Variants in DNAH17 observed in about 807,000 individuals in gnomAD.
DNAH17 encodes dynein axonemal heavy chain 17.
DNAH17 carries 376 observed loss-of-function variants against 485.6 expected under a neutral mutation model. The ratio of observed to expected loss-of-function variants is 0.77; its 90% CI spans 0.71 to 0.84. The LOEUF is 0.84. DNAH17 is among the 40% of genes least tolerant of loss of function. DNAH17 has a pLI of 0.00. For missense variants in DNAH17, 6,370 were observed against 5,839.3 expected, an observed-to-expected ratio of 1.09 and a Z score of -2.96; for synonymous variants, 3,031 against 2,405.9, an observed-to-expected ratio of 1.26 and a Z score of -7.60.
chr17:78,443,435 A>AC (rs2087148987), intron 71 of DNAH17, among the ~76,000 whole-genome samples: 3 of 150,102 alleles, frequency 2.0e-5, no homozygotes, highest in Admixed American at 2.0e-4. Flanking sequence ...GCTTCATTCC[A>AC]CCCCCTCCTC....
intron 31 of DNAH17, among the ~76,000 whole-genome samples, chr17:78,503,547 C>T (rs1376591778): frequency 6.6e-6 from 1 of 152,060 alleles, no homozygotes; most frequent in African/African-American, 2.4e-5. Context: ...TGTGCAGTAA[C>T]TGCAGTCCTG....
intron 75 of DNAH17, among the ~76,000 whole-genome samples, chr17:78,432,748 AAAG>A (rs1568043179): frequency 6.6e-6 from 1 of 152,138 alleles, no homozygotes; most frequent in Admixed American, 6.5e-5. Flanking sequence ...GAGATGGAAA[AAAG>A]GAGGGGGTTC....
chr17:78,569,904 A>G (rs1351667580), intron 7 of DNAH17, among the ~76,000 whole-genome samples: 1 of 152,002 alleles, frequency 6.6e-6, no homozygotes, highest in Non-Finnish European at 1.5e-5. Context: ...ATGAATGGGA[A>G]GAAGGAAAAG....
intron 14 of DNAH17, 64 bp downstream of exon 14, chr17:78,558,044 A>T (rs1173116228): frequency 3.9e-6 from 6 of 1,530,226 alleles, no homozygotes; most frequent in Non-Finnish European, 5.3e-6. Context: ...CACACAAACA[A>T]ACTTGACAAA....
At chr17:78,425,232 G>C in intron 80 of DNAH17, 114 bp downstream of exon 80, 1 of 1,059,832 alleles carries the variant, frequency 9.4e-7, no homozygotes, top group Non-Finnish European at 1.4e-6. Flanking sequence ...CCTCTCTCCT[G>C]CCTGTCCCCA....
At position 78,475,826 on chromosome 17, in the gene DNAH17, C is replaced by T; in HGVS notation, c.8162G>A (p.Gly2721Asp). 6.2e-7 allele frequency: 1 copy of T among 1,610,026 alleles called. No homozygotes were observed. Among genetic ancestry groups the T allele is most frequent in the Non-Finnish European group, 8.5e-7 (1 of 1,178,804 alleles). ...TGGCTTGGCAAATAAGAGTTCATCA[C>T]CAAGATCCTAGAAAAAGAAAAAAAA... ...ASTKKFFDDL[G>D]DELLFAKPNI... The change falls in exon 53 of 81, where the codon GGT (glycine) becomes GAT (aspartate). Residue 2721 changes from glycine (G) to aspartate (D), a missense_variant. By Grantham distance (94) the Gly-to-Asp change is moderately conservative. Coordinates refer to ENST00000389840, the MANE Select transcript of DNAH17 (RefSeq NM_173628.4).
intron 15 of DNAH17, among the ~76,000 whole-genome samples, chr17:78,552,200 C>T (rs1214863500): frequency 3.9e-5 from 6 of 152,174 alleles, no homozygotes; most frequent in East Asian, 1.9e-4. Flanking sequence ...AGACTCCTCA[C>T]GTTAAAGGGT....
intron 72 of DNAH17, 114 bp downstream of exon 72, chr17:78,440,937 C>A: frequency 7.7e-7 from 1 of 1,294,618 alleles, no homozygotes. Context: ...CGGCGTGAAG[C>A]CGCGTCTTGG....
intron 56 of DNAH17, among the ~76,000 whole-genome samples, chr17:78,465,243 C>T (rs2088364455): frequency 6.6e-6 from 1 of 152,128 alleles, no homozygotes; most frequent in Non-Finnish European, 1.5e-5. Flanking sequence ...TCAATGGTGC[C>T]CAGGCTGGAG....
chr17:78,486,830 A>G (rs2089631660), intron 44 of DNAH17, among the ~76,000 whole-genome samples: 1 of 152,170 alleles, frequency 6.6e-6, no homozygotes, highest in Non-Finnish European at 1.5e-5. Context: ...TGGATGGGGC[A>G]GAACAGAAAA....
rs561928018 is a variant in DNAH17, at chr17:78,446,805, G to A, written c.11212-1125C>T. On this transcript the variant is annotated intron_variant, in intron 69 of 80. Coordinates refer to ENST00000389840, the MANE Select transcript of DNAH17 (RefSeq NM_173628.4). ...ATTACAGGTGTGTGCCACCATGCCCGGCTAATTTTTGCATTTTTTGTAGAG... is the reference window on the plus strand; with the variant it reads ...ATTACAGGTGTGTGCCACCATGCCCAGCTAATTTTTGCATTTTTTGTAGAG... Among the ~76,000 whole-genome samples, 19 of 152,014 alleles carry A rather than the reference G, an allele frequency of 1.2e-4. 1 individual carries two copies. In the South Asian group the frequency reaches 3.1e-3, roughly 25 times the overall value.
intron 19 of DNAH17, 66 bp downstream of exon 19, chr17:78,537,233 G>T (rs1410399803): frequency 2.0e-6 from 3 of 1,479,962 alleles, no homozygotes; most frequent in African/African-American, 1.4e-5. Context: ...CCGAGTTAGG[G>T]CGGCAACACC....
rs373234515 is a variant in DNAH17 at position 78,529,329 on chromosome 17, C to CCCTG, written c.3507+139_3507+142dup. On this transcript the variant is annotated intron_variant, in intron 22 of 80. Transcript: ENST00000389840. The stretch of plus-strand genomic sequence containing the variant: ...CCCCAGAAACCTCCTCCCTGCACCT[C>CCCTG]CCTGTTCCATGGGGATCTGATGTCC... 23 of 828,414 alleles carry CCCTG rather than the reference C, an allele frequency of 2.8e-5. No individual in the cohort carries two copies. In the African/African-American group the frequency reaches 3.6e-4, roughly 13 times the overall value. The allele number at this position is 828,414 out of a possible 1,614,324, so 51.3% of individuals were successfully genotyped here. A position where few individuals can be genotyped will look rare whatever the true frequency, so the allele number is the denominator to read the frequency against.
intron 54 of DNAH17, among the ~76,000 whole-genome samples, chr17:78,470,046 A>G (rs1258516251): frequency 2.0e-5 from 3 of 150,748 alleles, no homozygotes; most frequent in Non-Finnish European, 4.4e-5. Flanking sequence ...ACTAGATGTT[A>G]AAAGTGGTGA....
chr17:78,479,317 T>C (rs141536565), intron 50 of DNAH17, among the ~76,000 whole-genome samples, 168 bp downstream of exon 50: 1,726 of 152,338 alleles, frequency 0.011, 34 homozygotes, highest in African/African-American at 0.04. Context: ...TACCTCCCCA[T>C]GAAGCAATTG....
At position 78,427,025 on chromosome 17, in the gene DNAH17, CT is replaced by C; in HGVS notation, c.12671del (p.Lys4224ArgfsTer6). The C allele has an allele frequency of 6.2e-7, 1 of 1,607,306 alleles. No homozygotes were observed. Among genetic ancestry groups the C allele is most frequent in the Non-Finnish European group, 8.5e-7 (1 of 1,177,006 alleles). On this transcript the variant is annotated frameshift_variant, in exon 78 of 81. Transcript: ENST00000389840. LOFTEE classifies it high-confidence loss of function. The stretch of plus-strand genomic sequence containing the variant: ...GAAAGGCGACTACCACGTAGGGGGT[CT>C]TTTCCGCTGCCTTTGCCATGATCTC... ...MAEIMAKAAE[K>X]TPYVVVAFQE...
chr17:78,475,107 T>C (rs943647490), intron 54 of DNAH17, among the ~76,000 whole-genome samples, 171 bp downstream of exon 54: 1 of 152,054 alleles, frequency 6.6e-6, no homozygotes, highest in Non-Finnish European at 1.5e-5. Context: ...GCACGCTGGC[T>C]GGAAGGTTTT....
intron 7 of DNAH17, among the ~76,000 whole-genome samples, 160 bp from the exon 8 acceptor site, chr17:78,569,687 C>A (rs540209681): frequency 6.6e-6 from 1 of 152,382 alleles, no homozygotes; most frequent in Admixed American, 6.5e-5. Context: ...GGGGACCGAG[C>A]TGCTTCCCCT....
intron 25 of DNAH17, among the ~76,000 whole-genome samples, chr17:78,519,326 G>C (rs999247212): frequency 6.6e-6 from 1 of 152,032 alleles, no homozygotes; most frequent in Non-Finnish European, 1.5e-5. Context: ...AAATTTTATA[G>C]CACGAAGTGT....
Sources: allele counts gnomAD v4.1 joint callset (sites outside exome capture counted in the v4.1 genomes callset), GRCh38; gene constraint gnomAD v4.1.1; transcripts MANE v1.5; gene names NCBI Gene and HGNC (gene_info 2026-07-23, HGNC 2026-07-21).